Variants in NLGN1 observed in about 807,000 individuals in gnomAD.
NLGN1 encodes the protein neuroligin 1.
NLGN1 carries 12 observed loss-of-function variants against 65.5 expected under a neutral mutation model. That is an observed-to-expected ratio of 0.18 (90% CI 0.12 to 0.30). The LOEUF (loss-of-function observed/expected upper bound fraction) is 0.30. Among genes scored for constraint, NLGN1 ranks in the 10% least tolerant of loss-of-function variants. The pLI, the probability that NLGN1 is intolerant of heterozygous loss-of-function variation, is 1.00. For missense variants in NLGN1, 750 were observed against 1,007.1 expected, an observed-to-expected ratio of 0.74 and a Z score of 3.46; for synonymous variants, 350 against 359.5, an observed-to-expected ratio of 0.97 and a Z score of 0.30.
intron 3 of NLGN1, among the ~76,000 whole-genome samples, chr3:173,740,922 A>T (rs1318430684): frequency 6.6e-6 from 1 of 152,194 alleles, no homozygotes; most frequent in African/African-American, 2.4e-5. Flanking sequence ...TCAAGGAGTC[A>T]GACTATCTTC....
intron 1 of NLGN1, among the ~76,000 whole-genome samples, chr3:173,419,109 A>C (rs146878886): frequency 3.9e-4 from 40 of 102,128 alleles, no homozygotes; most frequent in African/African-American, 1.2e-3. Context: ...ATCTATCTAT[A>C]TATATCGATT....
At chr3:174,212,340 C>T (rs1372846457) in intron 4 of NLGN1, among the ~76,000 whole-genome samples, 3 of 152,206 alleles carry the variant, frequency 2.0e-5, no homozygotes, top group Middle Eastern at 3.2e-3. Flanking sequence ...CCCGGGTTCC[C>T]GCCCGCGCCT....
At chr3:173,538,099 A>C (rs1737756431) in intron 2 of NLGN1, among the ~76,000 whole-genome samples, 1 of 152,190 alleles carries the variant, frequency 6.6e-6, no homozygotes, top group Admixed American at 6.5e-5. Flanking sequence ...AAATGTTGTA[A>C]GTGGTGTAAT....
intron 4 of NLGN1, among the ~76,000 whole-genome samples, chr3:174,265,781 A>ATATATATATATATATATATATG (rs540243032): frequency 7.4e-6 from 1 of 134,720 alleles, no homozygotes; most frequent in African/African-American, 2.7e-5. Flanking sequence ...ATATATATAT[A>ATATATATATATATATATATATG]TGTATATATA....
the NLGN1 span, among the ~76,000 whole-genome samples, chr3:174,293,919 A>C: frequency 6.6e-6 from 1 of 151,756 alleles, no homozygotes; most frequent in Non-Finnish European, 1.5e-5. Context: ...TGCAGAGAAA[A>C]AGAGAAAGTA....
chr3:174,273,573 T>TTCTA (rs1315185082), intron 4 of NLGN1, among the ~76,000 whole-genome samples: 1 of 151,710 alleles, frequency 6.6e-6, no homozygotes, highest in Non-Finnish European at 1.5e-5. Context: ...TTGCAAATAC[T>TTCTA]TCTATCTAAG....
chr3:173,883,811 TTTC>T (rs1425720876), intron 4 of NLGN1, among the ~76,000 whole-genome samples: 2 of 138,328 alleles, frequency 1.4e-5, no homozygotes, highest in East Asian at 4.7e-4. Flanking sequence ...AAAGGGAAAC[TTTC>T]TTTTTTTTTT....
intron 3 of NLGN1, among the ~76,000 whole-genome samples, chr3:173,789,247 G>A (rs1712081337): frequency 6.6e-6 from 1 of 150,968 alleles, no homozygotes; most frequent in Non-Finnish European, 1.5e-5. Context: ...AAGGAAGGAA[G>A]GAAAGAAAGT....
In NLGN1 at chr3:173,592,334, A is replaced by G. The variant is rs111455896; in HGVS notation, c.-320-11945A>G. Among the ~76,000 whole-genome samples the G allele has an allele frequency of 4.8e-3, 738 of 152,332 alleles. 1 individual carries two copies. Among genetic ancestry groups the G allele is most frequent in the Non-Finnish European group, 6.9e-3 (470 of 68,026 alleles). Reference sequence around the variant, plus strand: ...TTCGCCATTAGTTGTAATGATGGTTATAGCAGAAATACTCAGTTTTGTAAT... The same window carrying G: ...TTCGCCATTAGTTGTAATGATGGTTGTAGCAGAAATACTCAGTTTTGTAAT... On this transcript the variant is annotated intron_variant, in intron 2 of 6. Coordinates refer to ENST00000457714, the Ensembl canonical transcript of NLGN1.
At chr3:173,900,753 A>T (rs994757929) in intron 4 of NLGN1, among the ~76,000 whole-genome samples, 73 of 152,124 alleles carry the variant, frequency 4.8e-4, no homozygotes, top group African/African-American at 1.7e-3. Flanking sequence ...TAACACTGGG[A>T]TGGGGCAAAA....
chr3:174,250,911 G>A (rs1222262797), intron 4 of NLGN1, among the ~76,000 whole-genome samples: 1 of 151,848 alleles, frequency 6.6e-6, no homozygotes, highest in Non-Finnish European at 1.5e-5. Flanking sequence ...TTTTTGTTTT[G>A]TTTTGTTTTA....
At chr3:174,002,153 A>G (rs1723429673) in intron 4 of NLGN1, among the ~76,000 whole-genome samples, 1 of 151,524 alleles carries the variant, frequency 6.6e-6, no homozygotes, top group South Asian at 2.1e-4. Flanking sequence ...TTTGAGATGG[A>G]GTCTTGCTCT....
chr3:174,047,765 AT>A (rs1296876454), intron 4 of NLGN1, among the ~76,000 whole-genome samples: 2 of 151,840 alleles, frequency 1.3e-5, no homozygotes, highest in Non-Finnish European at 2.9e-5. Flanking sequence ...TTGCTTAAAT[AT>A]TCTTATCCTG....
chr3:173,582,915 A>G (rs1392573968), intron 2 of NLGN1, among the ~76,000 whole-genome samples: 4 of 152,134 alleles, frequency 2.6e-5, no homozygotes, highest in Non-Finnish European at 4.4e-5. Flanking sequence ...AACCCACCTT[A>G]ACATACATAC....
At chr3:173,401,196 C>A (rs1717620718) in intron 1 of NLGN1, among the ~76,000 whole-genome samples, 1 of 152,112 alleles carries the variant, frequency 6.6e-6, no homozygotes, top group East Asian at 1.9e-4. Context: ...TCATCCTTGG[C>A]CTCTATCCAC....
At chr3:173,843,892 T>A (rs1376455144) in intron 4 of NLGN1, among the ~76,000 whole-genome samples, 1 of 152,178 alleles carries the variant, frequency 6.6e-6, no homozygotes, top group African/African-American at 2.4e-5. Context: ...AGTATCACAT[T>A]ACTGTATTAG....
chr3:174,060,158 A>G (rs370566375), intron 4 of NLGN1, among the ~76,000 whole-genome samples: 2 of 152,166 alleles, frequency 1.3e-5, no homozygotes, highest in East Asian at 1.9e-4. Flanking sequence ...TCACCATGGT[A>G]TAAAATATTA....
chr3:173,901,662 A>T (rs1737408422), intron 4 of NLGN1, among the ~76,000 whole-genome samples: 1 of 152,172 alleles, frequency 6.6e-6, no homozygotes, highest in East Asian at 1.9e-4. Flanking sequence ...TGTGGTACTC[A>T]AGACATCCTG....
At chr3:173,888,735 T>C (rs1237847451) in intron 4 of NLGN1, among the ~76,000 whole-genome samples, 1 of 152,034 alleles carries the variant, frequency 6.6e-6, no homozygotes, top group Non-Finnish European at 1.5e-5. Context: ...CGTATTTTTT[T>C]CCTAACATTA....
Sources: gnomAD v4.1 joint callset for allele counts (sites outside exome capture counted in the v4.1 genomes callset) on GRCh38, gnomAD v4.1.1 for gene constraint, MANE v1.5 for transcripts, NCBI Gene and HGNC (gene_info 2026-07-23, HGNC 2026-07-21) for gene names.